RGS7: variants seen among roughly 807,000 people sequenced by gnomAD.
RGS7 encodes the protein regulator of G protein signaling 7.
RGS7 carries 27 observed loss-of-function variants against 81.1 expected under a neutral mutation model. The observed-to-expected ratio is 0.33, with a 90% CI of 0.25 to 0.46. The LOEUF (loss-of-function observed/expected upper bound fraction) is 0.46, where lower values mean the gene tolerates loss of function less well. Among genes scored for constraint, RGS7 ranks in the 20% least tolerant of loss-of-function variants. The probability of loss-of-function intolerance (pLI) is 1.00; values close to 1 mark genes in which losing one functional copy is unlikely to be tolerated. For synonymous variants in RGS7, 208 were observed against 207.7 expected, an observed-to-expected ratio of 1.00 and a Z score of -0.01; for missense variants, 396 against 607.4, an observed-to-expected ratio of 0.65 and a Z score of 3.66.
At chr1:241,052,058 A>T (rs2061279866) in intron 3 of RGS7, among the ~76,000 whole-genome samples, 1 of 152,184 alleles carries the variant, frequency 6.6e-6, no homozygotes, top group African/African-American at 2.4e-5. Context: ...CCTTCCATAA[A>T]CATGTTATAT....
chr1:240,877,312 A>G (rs1421813763), intron 6 of RGS7, among the ~76,000 whole-genome samples: 4 of 149,476 alleles, frequency 2.7e-5, no homozygotes, highest in African/African-American at 4.9e-5. Context: ...GTATTTATAT[A>G]AATATATAAA....
chr1:241,064,028 AC>A (rs899561556), intron 3 of RGS7, among the ~76,000 whole-genome samples: 8 of 151,854 alleles, frequency 5.3e-5, no homozygotes, highest in Non-Finnish European at 8.8e-5. Flanking sequence ...TACTAAAAAT[AC>A]AAAATTAGCC....
chr1:241,230,066 G>GT (rs34312400), intron 2 of RGS7, among the ~76,000 whole-genome samples: 83 of 149,860 alleles, frequency 5.5e-4, no homozygotes, highest in Non-Finnish European at 7.3e-4. Context: ...TTATATTTAA[G>GT]TTTTTTTTTT....
intron 2 of RGS7, among the ~76,000 whole-genome samples, chr1:241,161,400 T>C (rs1019714383): frequency 8.6e-5 from 13 of 151,544 alleles, no homozygotes; most frequent in African/African-American, 2.9e-4. Flanking sequence ...CCATGACACA[T>C]TAATAATAAT....
At chr1:240,781,565 C>T in intron 18 of RGS7, among the ~76,000 whole-genome samples, 1 of 152,150 alleles carries the variant, frequency 6.6e-6, no homozygotes, top group East Asian at 1.9e-4. Flanking sequence ...TGAGATTGCG[C>T]CACTGCACTC....
chr1:240,972,338 C>T (rs1401101841), intron 4 of RGS7, among the ~76,000 whole-genome samples: 1 of 150,790 alleles, frequency 6.6e-6, no homozygotes, highest in Non-Finnish European at 1.5e-5. Flanking sequence ...AAATGTGGCA[C>T]ATATACACCA....
chr1:241,142,106 C>T (rs1038896302), intron 2 of RGS7, among the ~76,000 whole-genome samples: 2 of 152,222 alleles, frequency 1.3e-5, no homozygotes, highest in African/African-American at 4.8e-5. Context: ...CATGCTGATG[C>T]AAGACGTGGG....
intron 2 of RGS7, among the ~76,000 whole-genome samples, chr1:241,316,314 A>C (rs952635606): frequency 2.0e-5 from 3 of 152,176 alleles, no homozygotes; most frequent in Admixed American, 6.5e-5. Context: ...CCGGCCACTG[A>C]AGACCAGCTC....
At chr1:241,158,746 A>G (rs569935581) in intron 2 of RGS7, among the ~76,000 whole-genome samples, 2 of 152,320 alleles carry the variant, frequency 1.3e-5, no homozygotes, top group East Asian at 3.9e-4. Flanking sequence ...TTCATCCCAG[A>G]GAGTCAGTGG....
intron 2 of RGS7, among the ~76,000 whole-genome samples, chr1:241,259,204 C>T (rs1352554325): frequency 6.6e-6 from 1 of 152,142 alleles, no homozygotes; most frequent in Non-Finnish European, 1.5e-5. Flanking sequence ...ATTTATCAAG[C>T]AGCAAATAAT....
intron 2 of RGS7, among the ~76,000 whole-genome samples, chr1:241,118,305 C>T (rs1268611323): frequency 2.0e-5 from 3 of 152,204 alleles, no homozygotes; most frequent in African/African-American, 7.2e-5. Context: ...TCACAGTCCT[C>T]CTCTGGCAAC....
intron 2 of RGS7, among the ~76,000 whole-genome samples, chr1:241,203,289 G>C (rs1325695172): frequency 6.6e-6 from 1 of 152,170 alleles, no homozygotes; most frequent in East Asian, 1.9e-4. Flanking sequence ...CTGGAGTGCA[G>C]CAGCGTGATC....
At chr1:241,218,078 T>C (rs998779455) in intron 2 of RGS7, among the ~76,000 whole-genome samples, 1 of 152,202 alleles carries the variant, frequency 6.6e-6, no homozygotes, top group African/African-American at 2.4e-5. Context: ...TGTGTGTGTG[T>C]GTATAATTGC....
chr1:240,997,477 T>C (rs1390594183), intron 3 of RGS7, among the ~76,000 whole-genome samples: 3 of 152,190 alleles, frequency 2.0e-5, no homozygotes, highest in East Asian at 3.9e-4. Flanking sequence ...TATGTACATT[T>C]AGAATCATAT....
At chr1:240,861,908 G>T (rs1558370932) in intron 9 of RGS7, among the ~76,000 whole-genome samples, 1 of 152,094 alleles carries the variant, frequency 6.6e-6, no homozygotes, top group Non-Finnish European at 1.5e-5. Context: ...CTGCAATTTA[G>T]CTAGATGTTA....
At chr1:240,928,507 T>A (rs370007982) in intron 6 of RGS7, among the ~76,000 whole-genome samples, 11 of 152,002 alleles carry the variant, frequency 7.2e-5, no homozygotes, top group African/African-American at 2.7e-4. Flanking sequence ...TGATAAAACA[T>A]GTGCTTTAAA....
At chr1:241,161,268 C>A (rs938525001) in intron 2 of RGS7, among the ~76,000 whole-genome samples, 2 of 152,072 alleles carry the variant, frequency 1.3e-5, no homozygotes, top group Admixed American at 1.3e-4. Context: ...TGAGTTCTTA[C>A]ACTGACACAG....
intron 3 of RGS7, among the ~76,000 whole-genome samples, chr1:241,080,696 T>A: frequency 6.6e-6 from 1 of 152,204 alleles, no homozygotes; most frequent in East Asian, 1.9e-4. Context: ...TTCTTGTTCA[T>A]CTGTTGTGTA....
At chr1:241,101,530 A>T (rs1381598254) in intron 2 of RGS7, among the ~76,000 whole-genome samples, 2 of 152,032 alleles carry the variant, frequency 1.3e-5, no homozygotes, top group East Asian at 3.9e-4. Flanking sequence ...TAAAAAAGAA[A>T]GAAAAAAAAT....
Sources: gnomAD v4.1 joint callset for allele counts (sites outside exome capture counted in the v4.1 genomes callset) on GRCh38, gnomAD v4.1.1 for gene constraint, MANE v1.5 for transcripts, NCBI Gene and HGNC (gene_info 2026-07-23, HGNC 2026-07-21) for gene names.